The following KAZN variants were observed in gnomAD, a reference collection of about 807,000 sequenced individuals.
The protein encoded by KAZN is kazrin, periplakin interacting protein, also known as kazrin.
Under a neutral mutation model 87.4 loss-of-function variants are expected in KAZN, and 40 were observed. The ratio of observed to expected loss-of-function variants is 0.46; its 90% CI spans 0.36 to 0.60. The LOEUF is 0.60. Among genes scored for constraint, KAZN ranks in the 20% least tolerant of loss-of-function variants. The pLI is 0.00. For synonymous variants in KAZN, 466 were observed against 458.3 expected (o/e 1.02, Z -0.22); for missense variants, 898 against 1,073.9 (o/e 0.84, Z 2.29).
chr1:14,930,854 G>A (rs1438978470), intron 1 of KAZN, among the ~76,000 whole-genome samples: 2 of 152,206 alleles, frequency 1.3e-5, no homozygotes, highest in African/African-American at 4.8e-5. Flanking sequence ...GTTGGGAGGG[G>A]GGAACCCTGG....
chr1:14,765,211 C>T (rs934077823), intron 1 of KAZN, among the ~76,000 whole-genome samples: 2 of 152,198 alleles, frequency 1.3e-5, no homozygotes, highest in African/African-American at 4.8e-5. Flanking sequence ...ATCATTCTCC[C>T]CATAGTATGA....
At chr1:14,036,840 T>G (rs1641580664) in intron 1 of KAZN, among the ~76,000 whole-genome samples, 1 of 151,772 alleles carries the variant, frequency 6.6e-6, no homozygotes, top group Non-Finnish European at 1.5e-5. Context: ...AGTGCAGTGG[T>G]GCAATCTCGG....
intron 1 of KAZN, among the ~76,000 whole-genome samples, chr1:14,105,287 G>A (rs1008085728): frequency 6.6e-6 from 1 of 152,228 alleles, no homozygotes; most frequent in Non-Finnish European, 1.5e-5. Context: ...ACCCGATCTG[G>A]GAGATGAAGA....
intron 1 of KAZN, among the ~76,000 whole-genome samples, chr1:14,136,328 GC>G (rs1212334205): frequency 2.6e-5 from 4 of 152,078 alleles, no homozygotes; most frequent in African/African-American, 7.2e-5. Flanking sequence ...GGCCTCAGAT[GC>G]CCCCCTGTGA....
intron 1 of KAZN, among the ~76,000 whole-genome samples, chr1:13,983,680 G>C (rs1174555143): frequency 3.9e-5 from 6 of 152,324 alleles, no homozygotes; most frequent in South Asian, 2.1e-4. Flanking sequence ...AGGAGGTGCC[G>C]AGAGCGAGCG....
rs1054357971 is a variant in KAZN, at chr1:14,738,320, G to A, written c.226+139097G>A. Among the ~76,000 whole-genome samples the A allele has an allele frequency of 3.4e-4, 51 of 152,090 alleles. 1 individual carries two copies. The highest frequency in any genetic ancestry group is 1.2e-3 in the African/African-American group (49 of 41,392). On this transcript the variant is annotated intron_variant, in intron 1 of 14. Coordinates refer to ENST00000376030, the MANE Select transcript of KAZN (RefSeq NM_201628.3). ...TCCCCAGGAGCGGAGAGAGGGAAGC[G>A]ATCATGCTGAAATGCTTTTGAAGCT...
chr1:15,083,659 T>C (rs1183787700), intron 8 of KAZN, among the ~76,000 whole-genome samples: 2 of 152,106 alleles, frequency 1.3e-5, no homozygotes. Context: ...CCATCAAGTC[T>C]GTCTCGGTGC....
At chr1:14,342,612 G>A (rs938066745) in intron 2 of KAZN, among the ~76,000 whole-genome samples, 2 of 152,096 alleles carry the variant, frequency 1.3e-5, no homozygotes, top group Non-Finnish European at 2.9e-5. Context: ...CCCAATGCTT[G>A]GCACACAGAA....
rs1557777898 is a variant in KAZN, at chr1:15,070,168, G to C, written c.1222+4415G>C. Among the ~76,000 whole-genome samples the C allele has an allele frequency of 1.3e-5, 2 of 152,226 alleles. 1 individual carries two copies. Among genetic ancestry groups the C allele is most frequent in the East Asian group, 3.9e-4 (2 of 5,192 alleles). Reference sequence around the variant, plus strand: ...AGTGAGGGGCTGCCGCCAAGCAGCTGGGCCTTCTCCCAGGGGGGCATCTTC... The same window carrying C: ...AGTGAGGGGCTGCCGCCAAGCAGCTCGGCCTTCTCCCAGGGGGGCATCTTC... On this transcript the variant is annotated intron_variant, in intron 8 of 14. Coordinates refer to ENST00000376030, the MANE Select transcript of KAZN (RefSeq NM_201628.3).
chr1:14,346,786 A>G (rs1658139442), intron 2 of KAZN, among the ~76,000 whole-genome samples: 1 of 152,188 alleles, frequency 6.6e-6, no homozygotes, highest in African/African-American at 2.4e-5. Flanking sequence ...TGAGGTGTCT[A>G]TGGTGGCACT....
intron 2 of KAZN, among the ~76,000 whole-genome samples, chr1:14,453,668 T>G (rs113690300): frequency 6.6e-6 from 1 of 152,102 alleles, no homozygotes; most frequent in African/African-American, 2.4e-5. Flanking sequence ...AAACCCCATC[T>G]CTACTAAAAA....
intron 2 of KAZN, among the ~76,000 whole-genome samples, chr1:14,181,019 A>G (rs1646186510): frequency 6.6e-6 from 1 of 152,154 alleles, no homozygotes; most frequent in Admixed American, 6.5e-5. Flanking sequence ...GTACATCAGC[A>G]CTGGTTTTGC....
At chr1:14,018,006 A>G (rs999401939) in intron 1 of KAZN, among the ~76,000 whole-genome samples, 2 of 152,192 alleles carry the variant, frequency 1.3e-5, no homozygotes, top group African/African-American at 2.4e-5. Context: ...CTTTATGTGA[A>G]TGAACTCATT....
At chr1:14,367,796 A>G (rs1371163349) in intron 2 of KAZN, among the ~76,000 whole-genome samples, 1 of 151,632 alleles carries the variant, frequency 6.6e-6, no homozygotes, top group Non-Finnish European at 1.5e-5. Flanking sequence ...GTCCAGGGAG[A>G]CTCCTGCCCC....
intron 1 of KAZN, among the ~76,000 whole-genome samples, chr1:13,924,826 T>C (rs1402954621): frequency 6.6e-6 from 1 of 152,206 alleles, no homozygotes; most frequent in Non-Finnish European, 1.5e-5. Flanking sequence ...CTTGGGCACA[T>C]GTCGTCAGGA....
At chr1:14,372,710 CTT>C (rs371175545) in intron 2 of KAZN, among the ~76,000 whole-genome samples, 299 of 152,304 alleles carry the variant, frequency 2.0e-3, no homozygotes, top group African/African-American at 5.5e-3. Flanking sequence ...CTCACTTCCT[CTT>C]GAGTCGCACC....
At position 14,681,611 on chromosome 1, in the gene KAZN, GTGTATATATATATATATATA is replaced by G. The variant is rs1340015849; in HGVS notation, c.226+82390_226+82409del. On this transcript the variant is annotated intron_variant, in intron 1 of 14. Transcript: ENST00000376030. ...ATTTTAACTATATATATATGTATAT[GTGTATATATATATATATATA>G]TATATATATATATATATATATATAT... 7.0e-3 allele frequency among the ~76,000 whole-genome samples: 236 copies of G among 33,844 alleles called. 9 individuals carry two copies. The highest frequency in any genetic ancestry group is 0.028 in the South Asian group (22 of 798). 22.2% of individuals were successfully genotyped at this position (33,844 alleles called of 152,430 possible). A position where few individuals can be genotyped will look rare whatever the true frequency, so the allele number is the denominator to read the frequency against.
intron 1 of KAZN, among the ~76,000 whole-genome samples, chr1:14,758,097 G>T (rs190104427): frequency 6.9e-6 from 1 of 144,590 alleles, no homozygotes; most frequent in Admixed American, 6.9e-5. Flanking sequence ...TTGTTTGTTT[G>T]TTTGTTTCTT....
intron 1 of KAZN, among the ~76,000 whole-genome samples, chr1:14,660,208 C>T (rs1184186405): frequency 2.0e-5 from 3 of 152,140 alleles, no homozygotes; most frequent in East Asian, 1.9e-4. Flanking sequence ...ACAGATGCCT[C>T]GATCTCCCCA....
Sources: allele counts gnomAD v4.1 joint callset (sites outside exome capture counted in the v4.1 genomes callset), GRCh38; gene constraint gnomAD v4.1.1; transcripts MANE v1.5; gene names NCBI Gene and HGNC (gene_info 2026-07-23, HGNC 2026-07-21).